CENPP: variants seen among roughly 807,000 people sequenced by gnomAD.
CENPP encodes centromere protein P.
Under a neutral mutation model 35.6 loss-of-function variants are expected in CENPP, and 24 were observed. The observed-to-expected ratio is 0.67, with a 90% CI of 0.49 to 0.95. The LOEUF is 0.95. Among genes scored for constraint, CENPP ranks in the 40% least tolerant of loss-of-function variants. The pLI is 0.00. For missense variants in CENPP, 332 were observed against 345.3 expected (o/e 0.96, Z 0.31); for synonymous variants, 120 against 125.5 (o/e 0.96, Z 0.29).
At chr9:92,520,282 C>G (rs1370240096) in intron 5 of CENPP, among the ~76,000 whole-genome samples, 1 of 151,500 alleles carries the variant, frequency 6.6e-6, no homozygotes, top group East Asian at 1.9e-4. Context: ...GACCCCATCT[C>G]TTAAAAAAAG....
At chr9:92,501,372 C>G (rs1373534920) in intron 5 of CENPP, among the ~76,000 whole-genome samples, 2 of 152,154 alleles carry the variant, frequency 1.3e-5, no homozygotes, top group Non-Finnish European at 2.9e-5. Context: ...ACGGTTGATG[C>G]GTTGAATCCA....
At chr9:92,350,594 T>C (rs1449082221) in intron 4 of CENPP, among the ~76,000 whole-genome samples, 1 of 152,214 alleles carries the variant, frequency 6.6e-6, no homozygotes, top group Non-Finnish European at 1.5e-5. Flanking sequence ...TGCTCACTTG[T>C]TTGATGGAGA....
intron 5 of CENPP, chr9:92,459,909 A>C (rs534564720): frequency 1.5e-6 from 1 of 680,592 alleles, no homozygotes; most frequent in Admixed American, 3.4e-5. Context: ...TACTTTATTT[A>C]ATAACCTACT....
intron 5 of CENPP, among the ~76,000 whole-genome samples, chr9:92,546,915 T>G (rs1344335714): frequency 6.6e-6 from 1 of 152,200 alleles, no homozygotes; most frequent in East Asian, 1.9e-4. Context: ...GTCTCTATAT[T>G]CTTCACGAGT....
intron 5 of CENPP, among the ~76,000 whole-genome samples, chr9:92,444,502 A>G (rs1371682129): frequency 1.3e-5 from 2 of 151,310 alleles, no homozygotes; most frequent in Non-Finnish European, 2.9e-5. Flanking sequence ...AATTTTGCTG[A>G]TGTCTAATTT....
chr9:92,363,241 AC>A (rs1841805639), intron 4 of CENPP, among the ~76,000 whole-genome samples: 1 of 146,808 alleles, frequency 6.8e-6, no homozygotes, highest in Non-Finnish European at 1.5e-5. Context: ...ATATACACAC[AC>A]ACACACACAC....
At chr9:92,427,890 G>C (rs1374362659) in intron 5 of CENPP, among the ~76,000 whole-genome samples, 2 of 152,192 alleles carry the variant, frequency 1.3e-5, no homozygotes, top group Non-Finnish European at 2.9e-5. Flanking sequence ...GTGGTGACAG[G>C]CCAGCTTGGC....
At chr9:92,578,791 G>A (rs1469201598) in intron 5 of CENPP, among the ~76,000 whole-genome samples, 2 of 151,932 alleles carry the variant, frequency 1.3e-5, no homozygotes, top group Non-Finnish European at 2.9e-5. Context: ...CTGTGCAGAA[G>A]CTCTTTAGTT....
chr9:92,589,336 C>A (rs1423192961), intron 5 of CENPP, among the ~76,000 whole-genome samples: 1 of 150,880 alleles, frequency 6.6e-6, no homozygotes, highest in East Asian at 1.9e-4. Flanking sequence ...ACAGCAAGAC[C>A]CTGTCTCAAA....
intron 5 of CENPP, among the ~76,000 whole-genome samples, chr9:92,462,891 A>G (rs1250235544): frequency 3.9e-5 from 6 of 152,224 alleles, no homozygotes; most frequent in African/African-American, 1.2e-4. Flanking sequence ...AGCTGGTGCA[A>G]CGTGCCAGCG....
intron 4 of CENPP, among the ~76,000 whole-genome samples, chr9:92,375,454 G>A (rs1360533947): frequency 2.6e-5 from 4 of 151,748 alleles, no homozygotes; most frequent in South Asian, 4.1e-4. Flanking sequence ...CACCACGCCC[G>A]GCTAATTTTT....
intron 5 of CENPP, among the ~76,000 whole-genome samples, chr9:92,437,401 CT>C (rs60620774): frequency 0.4 from 58,977 of 146,086 alleles, 13,838 homozygotes; most frequent in African/African-American, 0.65. Flanking sequence ...TTTCTTTTGT[CT>C]TTTTTTTTGT....
intron 4 of CENPP, among the ~76,000 whole-genome samples, chr9:92,368,309 A>G (rs931679825): frequency 6.6e-6 from 1 of 152,224 alleles, no homozygotes; most frequent in Non-Finnish European, 1.5e-5. Context: ...TCCCCAAGAT[A>G]TCTCATTATA....
chr9:92,451,844 T>G (rs1387180641), intron 5 of CENPP, among the ~76,000 whole-genome samples: 1 of 151,952 alleles, frequency 6.6e-6, no homozygotes, highest in Non-Finnish European at 1.5e-5. Flanking sequence ...CTAGGTATTT[T>G]AATCTCTTTG....
rs147572424 is a variant in CENPP, at chr9:92,421,319, C to T, written c.564+41460C>T. Among the ~76,000 whole-genome samples the T allele has an allele frequency of 8.5e-3, 1,288 of 152,320 alleles. 5 individuals are homozygous for T. Among genetic ancestry groups the T allele is most frequent in the Non-Finnish European group, 0.014 (937 of 68,032 alleles). ...CCTCCCAAAGTGCTGGGATTACAGGCATGAGCCACCACCCCCGGCCTTGGA... is the reference window on the plus strand; with the variant it reads ...CCTCCCAAAGTGCTGGGATTACAGGTATGAGCCACCACCCCCGGCCTTGGA... On this transcript the variant is annotated intron_variant, in intron 5 of 7. Coordinates refer to ENST00000375587, the MANE Select transcript of CENPP (RefSeq NM_001012267.3).
At chr9:92,444,342 T>C (rs1311538058) in intron 5 of CENPP, among the ~76,000 whole-genome samples, 1 of 152,202 alleles carries the variant, frequency 6.6e-6, no homozygotes, top group Non-Finnish European at 1.5e-5. Context: ...TCATGCATTT[T>C]TAAATTGGGG....
At chr9:92,576,239 T>C (rs1850279633) in intron 5 of CENPP, among the ~76,000 whole-genome samples, 1 of 152,202 alleles carries the variant, frequency 6.6e-6, no homozygotes, top group African/African-American at 2.4e-5. Context: ...CTAAGTGATA[T>C]AGCCAGTCAC....
chr9:92,547,326 A>G (rs998229485), intron 5 of CENPP, among the ~76,000 whole-genome samples: 2 of 152,270 alleles, frequency 1.3e-5, no homozygotes, highest in African/African-American at 2.4e-5. Context: ...CTGAAAACAC[A>G]TATGTCCACA....
At chr9:92,499,076 T>C (rs1170903532) in intron 5 of CENPP, among the ~76,000 whole-genome samples, 1 of 152,146 alleles carries the variant, frequency 6.6e-6, no homozygotes, top group Non-Finnish European at 1.5e-5. Flanking sequence ...CAGTAGGTAA[T>C]GCAGAAAGTA....
Sources: allele counts gnomAD v4.1 joint callset (sites outside exome capture counted in the v4.1 genomes callset), GRCh38; gene constraint gnomAD v4.1.1; transcripts MANE v1.5; gene names NCBI Gene and HGNC (gene_info 2026-07-23, HGNC 2026-07-21).